Variants in FTO observed in about 807,000 individuals in gnomAD.
FTO encodes the protein alpha-ketoglutarate-dependent dioxygenase FTO.
Under a neutral mutation model 63.9 loss-of-function variants are expected in FTO, and 47 were observed. The observed-to-expected ratio is 0.74, with a 90% CI of 0.58 to 0.94. FTO has a LOEUF of 0.94. Among genes scored for constraint, FTO ranks in the 40% least tolerant of loss-of-function variants. The pLI, the probability that FTO is intolerant of heterozygous loss-of-function variation, is 0.00. For synonymous variants in FTO, 207 were observed against 224.4 expected (o/e 0.92, Z 0.69); for missense variants, 562 against 618.1 (o/e 0.91, Z 0.96).
chr16:54,069,801 T>C (rs1321183369), intron 8 of FTO: 3 of 152,176 alleles, frequency 2.0e-5, no homozygotes, highest in Non-Finnish European at 4.4e-5. Context: ...CCTATCATTG[T>C]GCACCTGCCA....
intron 4 of FTO, among the ~76,000 whole-genome samples, chr16:53,859,434 G>C (rs952358366): frequency 1.3e-5 from 2 of 151,226 alleles, no homozygotes; most frequent in Non-Finnish European, 2.9e-5. Flanking sequence ...TCTACATGCT[G>C]TGTGTAGTAT....
chr16:53,851,174 G>A (rs2079782165), intron 4 of FTO, among the ~76,000 whole-genome samples: 1 of 151,758 alleles, frequency 6.6e-6, no homozygotes, highest in African/African-American at 2.4e-5. Context: ...ATGGCTGGGT[G>A]CGGTGGCTCA....
intron 8 of FTO, among the ~76,000 whole-genome samples, chr16:54,077,279 T>C (rs1250910294): frequency 1.3e-5 from 2 of 152,234 alleles, no homozygotes; most frequent in African/African-American, 4.8e-5. Context: ...GGCAATATAC[T>C]GTCCTAGGAA....
chr16:54,011,588 C>A (rs1300459220), intron 8 of FTO, among the ~76,000 whole-genome samples: 1 of 152,148 alleles, frequency 6.6e-6, no homozygotes, highest in African/African-American at 2.4e-5. Flanking sequence ...TTGTAGAAAC[C>A]TGCATTGAGT....
intron 1 of FTO, among the ~76,000 whole-genome samples, chr16:53,730,128 G>T (rs752970521): frequency 5.9e-5 from 9 of 152,140 alleles, no homozygotes; most frequent in Non-Finnish European, 1.0e-4. Context: ...GAGCTCTTCA[G>T]TCAAAATATT....
chr16:53,949,664 A>G (rs1227867446), intron 8 of FTO, among the ~76,000 whole-genome samples: 1 of 150,214 alleles, frequency 6.7e-6, no homozygotes, highest in African/African-American at 2.5e-5. Flanking sequence ...ATCAATGTTT[A>G]TAATCTCTGC....
chr16:53,851,022 A>G (rs2151832404), intron 4 of FTO, among the ~76,000 whole-genome samples: 1 of 152,288 alleles, frequency 6.6e-6, no homozygotes, highest in East Asian at 1.9e-4. Flanking sequence ...GAAGTATAAT[A>G]TCTTGTTCAA....
At chr16:53,948,179 A>G (rs1409398562) in intron 8 of FTO, among the ~76,000 whole-genome samples, 1 of 152,198 alleles carries the variant, frequency 6.6e-6, no homozygotes, top group Non-Finnish European at 1.5e-5. Context: ...TCAGATCATT[A>G]CACTGCGGCT....
chr16:53,712,978 A>G (rs924955254), intron 1 of FTO, among the ~76,000 whole-genome samples: 1 of 149,190 alleles, frequency 6.7e-6, no homozygotes, highest in Non-Finnish European at 1.5e-5. Flanking sequence ...GTCATTCACC[A>G]TTTTATCCCT....
chr16:53,979,066 A>G (rs565769551), intron 8 of FTO, among the ~76,000 whole-genome samples: 10 of 152,310 alleles, frequency 6.6e-5, no homozygotes, highest in Middle Eastern at 6.8e-3. Context: ...ATGATTAGAA[A>G]TATTTCTGTT....
chr16:54,093,830 G>A (rs2086452390), intron 8 of FTO, among the ~76,000 whole-genome samples: 1 of 152,192 alleles, frequency 6.6e-6, no homozygotes, highest in Non-Finnish European at 1.5e-5. Flanking sequence ...CACGTGGCAA[G>A]GACATGGCCT....
chr16:53,886,708 C>A (rs1254812317), intron 6 of FTO, among the ~76,000 whole-genome samples: 1 of 152,154 alleles, frequency 6.6e-6, no homozygotes, highest in African/African-American at 2.4e-5. Context: ...AAACTAAAAC[C>A]TTTTCATACA....
At chr16:53,965,217 G>A (rs2083170903) in intron 8 of FTO, among the ~76,000 whole-genome samples, 2 of 152,316 alleles carry the variant, frequency 1.3e-5, no homozygotes, top group South Asian at 2.1e-4. Flanking sequence ...GGGACTACAG[G>A]CATGCGTCAC....
Position 53,704,178 on chromosome 16 carries a change from T to C in FTO, c.-7T>C. ...CTTGCGGTGGCGAAGGCGGCTTTAG[T>C]GGCAGCATGAAGCGCACCCCGACTG... On this transcript the variant is annotated 5_prime_UTR_variant, in exon 1 of 9. Coordinates refer to ENST00000471389, the MANE Select transcript of FTO (RefSeq NM_001080432.3). 1.3e-6 allele frequency: 2 copies of C among 1,551,460 alleles called. No homozygotes were observed. Among genetic ancestry groups the C allele is most frequent in the African/African-American group, 1.4e-5 (1 of 73,134 alleles).
intron 8 of FTO, among the ~76,000 whole-genome samples, chr16:54,009,925 C>T (rs991309814): frequency 6.6e-6 from 1 of 152,150 alleles, no homozygotes; most frequent in Non-Finnish European, 1.5e-5. Flanking sequence ...GAAGGTTCAG[C>T]TGTAAAGTGA....
chr16:53,897,573 G>T (rs2081305830), intron 7 of FTO, among the ~76,000 whole-genome samples: 1 of 152,302 alleles, frequency 6.6e-6, no homozygotes, highest in South Asian at 2.1e-4. Context: ...TTTAACAGAT[G>T]TTGGGGGATT....
At position 53,761,681 on chromosome 16, in the gene FTO, C is replaced by T. The variant is rs59043307; in HGVS notation, c.46-48459C>T. ...TGAAATACTGTGGCCCTGGGAGACTCCTGCTCAGTTTAGCAAAGAATTCTC... is the reference window on the plus strand; with the variant it reads ...TGAAATACTGTGGCCCTGGGAGACTTCTGCTCAGTTTAGCAAAGAATTCTC... On this transcript the variant is annotated intron_variant, in intron 1 of 8. Transcript: ENST00000471389. 3.6e-4 allele frequency among the ~76,000 whole-genome samples: 55 copies of T among 152,252 alleles called. No individual in the cohort carries two copies. In the East Asian group the frequency reaches 8.5e-3, roughly 24 times the overall value.
intron 1 of FTO, among the ~76,000 whole-genome samples, chr16:53,792,171 C>T (rs1433724400): frequency 6.6e-6 from 1 of 152,046 alleles, no homozygotes; most frequent in East Asian, 1.9e-4. Context: ...AAGAGAAATA[C>T]CTATTTTGTA....
intron 1 of FTO, among the ~76,000 whole-genome samples, chr16:53,783,604 T>TATAAAAA (rs397716766): frequency 9.1e-4 from 62 of 68,124 alleles, no homozygotes; most frequent in African/African-American, 2.3e-3. Flanking sequence ...CAAGACTCCA[T>TATAAAAA]AAAAAAAAAA....
Sources: gnomAD v4.1 joint callset for allele counts (sites outside exome capture counted in the v4.1 genomes callset) on GRCh38, gnomAD v4.1.1 for gene constraint, MANE v1.5 for transcripts, NCBI Gene and HGNC (gene_info 2026-07-23, HGNC 2026-07-21) for gene names.